CTBP2: variants seen among roughly 807,000 people sequenced by gnomAD.
CTBP2 encodes the protein C-terminal binding protein 2, also known as C-terminal-binding protein 2.
A neutral mutation model predicts 80.3 loss-of-function variants in CTBP2; 30 were observed. That is an observed-to-expected ratio of 0.37 (90% confidence interval 0.28 to 0.51). The LOEUF (loss-of-function observed/expected upper bound fraction) is 0.51, where lower values mean the gene tolerates loss of function less well. CTBP2 is among the 20% of genes least tolerant of loss of function. The pLI, the probability that CTBP2 is intolerant of heterozygous loss-of-function variation, is 0.93. For synonymous variants in CTBP2, 594 were observed against 587.4 expected, an observed-to-expected ratio of 1.01 and a Z score of -0.16; for missense variants, 1,212 against 1,375.3, an observed-to-expected ratio of 0.88 and a Z score of 1.88.
At chr10:125,087,380 TTAC>T (rs1488023561) in intron 2 of CTBP2, among the ~76,000 whole-genome samples, 1 of 152,116 alleles carries the variant, frequency 6.6e-6, no homozygotes, top group Admixed American at 6.5e-5. Flanking sequence ...CCAAGGGACA[TTAC>T]TTCTTAAGTA....
In CTBP2 at chr10:125,027,094, G is replaced by A. The variant is rs372033656; in HGVS notation, c.666C>T (p.Ala222=). 9.9e-6 allele frequency: 16 copies of A among 1,611,234 alleles called. No homozygotes were observed. Among genetic ancestry groups the A allele is most frequent in the Middle Eastern group, 1.6e-4 (1 of 6,074 alleles). Residue 222 remains alanine (A), a synonymous_variant, in exon 1 of 9, where the codon GCC becomes GCT. Coordinates refer to ENST00000309035, the MANE Select transcript of CTBP2 (RefSeq NM_022802.3). ...ACGTCGGGGCCACCTGTCTGGCAGG[G>A]GCAGGGTCAATGGGTCTTTCGCTGA... is the stretch of plus-strand genomic sequence containing the variant.
rs760234122 is a variant in CTBP2 at position 125,026,784 on chromosome 10, C to T, written c.976G>A (p.Asp326Asn). The T allele has an allele frequency of 9.9e-6, 16 of 1,613,044 alleles. No homozygotes were observed. Among genetic ancestry groups the T allele is most frequent in the South Asian group, 2.2e-5 (2 of 91,092 alleles). ...GGTGCGACAGACTTGATATCCGCGT[C>T]CTCCAGGGTAGCCAGGACGGCCGGG... The change falls in exon 1 of 9, where the codon GAC (aspartate) becomes AAC (asparagine). Residue 326 changes from aspartate (D) to asparagine (N), a missense_variant. Transcript: ENST00000309035.
In CTBP2 at chr10:125,027,639, G is replaced by C; in HGVS notation, c.121C>G (p.Leu41Val). Residue 41 changes from leucine (L) to valine (V), a missense_variant, in exon 1 of 9, where the codon CTG becomes GTG. Leu to Val is a conservative substitution (Grantham distance 32). Transcript: ENST00000309035. ...GTCCCCTCTGCTGTGCCATACGTCA[G>C]GGAGCTTCTCCTCCCCAGAGGCCGC... The C allele has an allele frequency of 2.5e-6, 4 of 1,614,074 alleles. No individual in the cohort carries two copies. Among genetic ancestry groups the C allele is most frequent in the Non-Finnish European group, 3.4e-6 (4 of 1,180,034 alleles).
chr10:125,012,792 C>A (rs1404221474), intron 1 of CTBP2, among the ~76,000 whole-genome samples: 1 of 152,174 alleles, frequency 6.6e-6, no homozygotes, highest in Non-Finnish European at 1.5e-5. Context: ...GTTGGCCAAG[C>A]AGGTCTCAAA....
intron 2 of CTBP2, among the ~76,000 whole-genome samples, chr10:125,097,849 C>T (rs928102043): frequency 3.3e-5 from 5 of 152,100 alleles, no homozygotes; most frequent in African/African-American, 4.8e-5. Flanking sequence ...CAGTGGCTCA[C>T]GCCTGTAATC....
chr10:125,039,079 A>G (rs752226990), exon 3 of CTBP2: 8 of 1,609,138 alleles, frequency 5.0e-6, no homozygotes, highest in Non-Finnish European at 6.8e-6. Context: ...TGCAACTCTC[A>G]GATCAAAAGG....
chr10:125,004,995 C>CG lies in CTBP2; in HGVS notation c.1679-1504dup, dbSNP rs531612447. On this transcript the variant is annotated intron_variant, in intron 1 of 8. Transcript: ENST00000309035. The stretch of plus-strand genomic sequence containing the variant: ...GGGACGATGACTGGGACCCCAGCCA[C>CG]GGGGGGGCTCCTGCTGGACCACCAA... Among the ~76,000 whole-genome samples, 265 of 152,252 alleles carry CG rather than the reference C, an allele frequency of 1.7e-3. 2 individuals carry two copies. The highest frequency in any genetic ancestry group is 6.1e-3 in the African/African-American group (252 of 41,538).
intron 2 of CTBP2, among the ~76,000 whole-genome samples, chr10:125,101,950 A>G (rs1206408499): frequency 6.6e-6 from 1 of 152,164 alleles, no homozygotes; most frequent in African/African-American, 2.4e-5. Flanking sequence ...TCGCTGAAAC[A>G]ATGCACATTG....
chr10:125,062,827 G>T (rs1234087219), intron 2 of CTBP2, among the ~76,000 whole-genome samples: 1 of 152,152 alleles, frequency 6.6e-6, no homozygotes, highest in Non-Finnish European at 1.5e-5. Flanking sequence ...TGCGCCACTG[G>T]GCGCCTGGGC....
At chr10:125,100,210 G>C (rs1850398165) in intron 2 of CTBP2, among the ~76,000 whole-genome samples, 1 of 152,194 alleles carries the variant, frequency 6.6e-6, no homozygotes, top group African/African-American at 2.4e-5. Flanking sequence ...GAATTGACAA[G>C]TGCGTATGGC....
At chr10:125,017,215 C>T (rs1956586162) in intron 1 of CTBP2, among the ~76,000 whole-genome samples, 2 of 152,330 alleles carry the variant, frequency 1.3e-5, no homozygotes, top group South Asian at 2.1e-4. Flanking sequence ...ACGCAGGAGG[C>T]TGTCGACGGG....
intron 1 of CTBP2, among the ~76,000 whole-genome samples, chr10:125,128,155 A>AGCTG (rs1412744828): frequency 6.6e-6 from 1 of 152,164 alleles, no homozygotes; most frequent in African/African-American, 2.4e-5. Context: ...GCTGTCTAGA[A>AGCTG]TACCTACTTA....
At chr10:125,147,277 C>CA (rs1473896379) in intron 1 of CTBP2, among the ~76,000 whole-genome samples, 2 of 152,232 alleles carry the variant, frequency 1.3e-5, no homozygotes, top group African/African-American at 4.8e-5. Flanking sequence ...CGACCCTTCT[C>CA]AACAGGCTTC....
chr10:125,004,185 C>T (rs998367533), intron 1 of CTBP2, among the ~76,000 whole-genome samples: 7 of 152,230 alleles, frequency 4.6e-5, no homozygotes, highest in Non-Finnish European at 1.0e-4. Context: ...CCCCAGTGGT[C>T]CTTCCCACAA....
At chr10:125,036,930 T>C (rs1214007574) in intron 3 of CTBP2, among the ~76,000 whole-genome samples, 1 of 152,062 alleles carries the variant, frequency 6.6e-6, no homozygotes, top group South Asian at 2.1e-4. Context: ...AGCTTATACA[T>C]AGGAGGAGCA....
chr10:125,113,618 G>A (rs1852674253), intron 1 of CTBP2, among the ~76,000 whole-genome samples: 1 of 152,196 alleles, frequency 6.6e-6, no homozygotes, highest in Non-Finnish European at 1.5e-5. Flanking sequence ...AGGAGGGATG[G>A]AAAAGGAACT....
intron 8 of CTBP2, 28 bp from the exon 11 acceptor site, chr10:124,989,726 G>A (rs532717898): frequency 5.9e-6 from 9 of 1,532,564 alleles, no homozygotes; most frequent in African/African-American, 1.4e-5. Context: ...ATAGGGCCTT[G>A]TAAGTTCAGG....
rs143054052 is a variant in CTBP2 at position 125,023,178 on chromosome 10, G to T, written c.1678+2904C>A. 3.2e-4 allele frequency among the ~76,000 whole-genome samples: 48 copies of T among 152,328 alleles called. No individual in the cohort carries two copies. In the East Asian group the frequency reaches 6.4e-3, roughly 20 times the overall value. Reference sequence around the variant, plus strand: ...AGTGACCCTAAGCAACTAGACAGGGGTCACATGTGCCCCCATTAATCCAGT... The same window carrying T: ...AGTGACCCTAAGCAACTAGACAGGGTTCACATGTGCCCCCATTAATCCAGT... On this transcript the variant is annotated intron_variant, in intron 1 of 8. Transcript: ENST00000309035.
chr10:124,997,901 G>C (rs1953853449), intron 4 of CTBP2, 63 bp downstream of exon 6: 1 of 1,538,680 alleles, frequency 6.5e-7, no homozygotes, highest in East Asian at 2.3e-5. Context: ...TTCCCGAGGG[G>C]TCCCCACTAC....
Sources: allele counts gnomAD v4.1 joint callset (sites outside exome capture counted in the v4.1 genomes callset), GRCh38; gene constraint gnomAD v4.1.1; transcripts MANE v1.5; gene names NCBI Gene and HGNC (gene_info 2026-07-23, HGNC 2026-07-21).